Variants in FGGY observed in about 807,000 individuals in gnomAD.
FGGY encodes the protein FGGY carbohydrate kinase domain-containing protein.
A neutral mutation model predicts 71.3 loss-of-function variants in FGGY; 72 were observed. The ratio of observed to expected loss-of-function variants is 1.01; its 90% CI spans 0.84 to 1.23. FGGY has a LOEUF of 1.23. FGGY is among the 50% of genes most tolerant of loss of function. The pLI is 0.00. For missense variants in FGGY, 668 were observed against 682.3 expected, an observed-to-expected ratio of 0.98 and a Z score of 0.23; for synonymous variants, 251 against 250.3, an observed-to-expected ratio of 1.00 and a Z score of -0.02.
intron 6 of FGGY, among the ~76,000 whole-genome samples, chr1:59,473,814 A>T (rs1202788337): frequency 6.6e-6 from 1 of 152,228 alleles, no homozygotes; most frequent in African/African-American, 2.4e-5. Flanking sequence ...TGAGGGCAGT[A>T]GGAGCCATTT....
intron 14 of FGGY, chr1:59,697,738 C>T (rs2097674470): frequency 2.3e-6 from 3 of 1,293,206 alleles, no homozygotes; most frequent in Admixed American, 2.4e-5. Context: ...CAGTCTTTTG[C>T]AAGTAGGTGA....
intron 5 of FGGY, among the ~76,000 whole-genome samples, chr1:59,399,697 AT>A (rs143029515): frequency 6.6e-6 from 1 of 152,108 alleles, no homozygotes; most frequent in Non-Finnish European, 1.5e-5. Context: ...ATATAATATA[AT>A]TTTTTTCTTT....
At chr1:59,722,167 A>ATT (rs56317098) in intron 14 of FGGY, among the ~76,000 whole-genome samples, 194 of 147,676 alleles carry the variant, frequency 1.3e-3, no homozygotes, top group South Asian at 4.0e-3. Context: ...GATTTGTCTA[A>ATT]TTTTTTTTTT....
intron 8 of FGGY, among the ~76,000 whole-genome samples, chr1:59,577,685 T>G (rs2096107050): frequency 6.6e-6 from 1 of 152,170 alleles, no homozygotes; most frequent in Admixed American, 6.5e-5. Flanking sequence ...TTTTAAATAC[T>G]TTATGATGGC....
At chr1:59,656,050 G>T (rs2097215019) in intron 11 of FGGY, among the ~76,000 whole-genome samples, 2 of 151,966 alleles carry the variant, frequency 1.3e-5, no homozygotes. Flanking sequence ...GCATTGTTTT[G>T]GCCATTATAT....
intron 5 of FGGY, among the ~76,000 whole-genome samples, chr1:59,437,253 T>C (rs1401495573): frequency 6.6e-6 from 1 of 152,178 alleles, no homozygotes. Context: ...TTCTGCTAGA[T>C]TGGTGTTTGG....
chr1:59,563,161 C>T (rs541863116), intron 8 of FGGY, among the ~76,000 whole-genome samples: 1 of 152,152 alleles, frequency 6.6e-6, no homozygotes, highest in Admixed American at 6.5e-5. Context: ...GAGAGGGCAT[C>T]CTTGTCTTGT....
intron 7 of FGGY, among the ~76,000 whole-genome samples, chr1:59,546,524 A>G (rs2095525634): frequency 1.2e-5 from 1 of 86,512 alleles, no homozygotes; most frequent in East Asian, 2.5e-4. Flanking sequence ...GATGATGATG[A>G]TGATGATGAT....
chr1:59,351,087 A>G (rs565915454), intron 4 of FGGY, among the ~76,000 whole-genome samples: 3 of 152,372 alleles, frequency 2.0e-5, no homozygotes, highest in Non-Finnish European at 2.9e-5. Flanking sequence ...ACTTATGAAA[A>G]TAATATGAAA....
intron 6 of FGGY, among the ~76,000 whole-genome samples, chr1:59,458,900 G>A (rs1343748483): frequency 2.0e-5 from 3 of 152,190 alleles, no homozygotes; most frequent in Admixed American, 6.5e-5. Context: ...TCCTCTGGAA[G>A]CTACCTCTAG....
At position 59,299,998 on chromosome 1, in the gene FGGY, TATTG is replaced by T. The variant is rs556077631; in HGVS notation, c.-15+2852_-15+2855del. On this transcript the variant is annotated intron_variant, in intron 1 of 15. Coordinates refer to ENST00000303721, the MANE Select transcript of FGGY (RefSeq NM_018291.5). The stretch of plus-strand genomic sequence containing the variant: ...TAGAAAAGAATTGAACATACTGACA[TATTG>T]ATTCTTTGAAGAGAAATTTAGAGCT... Among the ~76,000 whole-genome samples, 12 of 152,008 alleles carry T rather than the reference TATTG, an allele frequency of 7.9e-5. No individual in the cohort carries two copies. The South Asian group carries it at 2.3e-3, about 29-fold the overall frequency.
At chr1:59,462,365 A>C (rs1183400198) in intron 6 of FGGY, among the ~76,000 whole-genome samples, 1 of 152,086 alleles carries the variant, frequency 6.6e-6, no homozygotes, top group Non-Finnish European at 1.5e-5. Flanking sequence ...CTAGAAGAAA[A>C]CCTAGGCATT....
chr1:59,589,265 A>G (rs916089360), intron 8 of FGGY, among the ~76,000 whole-genome samples: 72 of 152,358 alleles, frequency 4.7e-4, no homozygotes, highest in Admixed American at 5.2e-4. Flanking sequence ...CACCCAATAC[A>G]GGAGCACGCA....
At chr1:59,389,339 T>C (rs797008608) in intron 5 of FGGY, among the ~76,000 whole-genome samples, 42 of 152,348 alleles carry the variant, frequency 2.8e-4, no homozygotes, top group African/African-American at 1.0e-3. Flanking sequence ...CTTTTGCGTC[T>C]GGCATATTTC....
intron 5 of FGGY, among the ~76,000 whole-genome samples, chr1:59,440,989 C>T (rs966311464): frequency 9.2e-5 from 14 of 151,934 alleles, no homozygotes; most frequent in Admixed American, 2.6e-4. Flanking sequence ...ACTTTAAGGA[C>T]GTTTTGCGTT....
chr1:59,656,042 A>G (rs972948802), intron 11 of FGGY, among the ~76,000 whole-genome samples: 6 of 152,186 alleles, frequency 3.9e-5, no homozygotes, highest in Admixed American at 3.9e-4. Flanking sequence ...AGTTATTTGC[A>G]TTGTTTTGGC....
chr1:59,382,292 A>G (rs2059558983), intron 5 of FGGY, among the ~76,000 whole-genome samples: 1 of 152,194 alleles, frequency 6.6e-6, no homozygotes, highest in African/African-American at 2.4e-5. Flanking sequence ...ATAATTCAGC[A>G]GCGGGGGCTT....
chr1:59,721,835 C>T (rs2097899645), intron 14 of FGGY, among the ~76,000 whole-genome samples: 1 of 151,974 alleles, frequency 6.6e-6, no homozygotes, highest in South Asian at 2.1e-4. Context: ...AACAAGTTAG[C>T]ATTAGCTGGG....
chr1:59,513,024 T>A (rs906827644), intron 7 of FGGY, among the ~76,000 whole-genome samples: 2 of 152,182 alleles, frequency 1.3e-5, no homozygotes, highest in African/African-American at 4.8e-5. Flanking sequence ...CAGCTTTTAA[T>A]GGGAAAACAC....
Sources: gnomAD v4.1 joint callset for allele counts (sites outside exome capture counted in the v4.1 genomes callset) on GRCh38, gnomAD v4.1.1 for gene constraint, MANE v1.5 for transcripts, NCBI Gene and HGNC (gene_info 2026-07-23, HGNC 2026-07-21) for gene names.